The following CDKAL1 variants were observed in gnomAD, a reference collection of about 807,000 sequenced individuals.
CDKAL1 encodes CDKAL1 threonylcarbamoyladenosine tRNA methylthiotransferase.
Under a neutral mutation model 68.2 loss-of-function variants are expected in CDKAL1, and 32 were observed. The observed-to-expected ratio is 0.47, with a 90% CI of 0.35 to 0.63. The LOEUF is 0.63. CDKAL1 is among the 30% of genes least tolerant of loss of function. The pLI, the probability that CDKAL1 is intolerant of heterozygous loss-of-function variation, is 0.00. For synonymous variants in CDKAL1, 234 were observed against 244.3 expected (o/e 0.96, Z 0.39); for missense variants, 606 against 696.7 (o/e 0.87, Z 1.47).
intron 4 of CDKAL1, among the ~76,000 whole-genome samples, chr6:20,643,106 G>A (rs1219860066): frequency 2.6e-5 from 4 of 152,154 alleles, no homozygotes; most frequent in Admixed American, 6.5e-5. Context: ...GCACTCTAAG[G>A]GGTTCTAACG....
intron 4 of CDKAL1, among the ~76,000 whole-genome samples, chr6:20,571,487 T>C (rs1239660100): frequency 1.3e-5 from 2 of 152,148 alleles, no homozygotes; most frequent in Admixed American, 1.3e-4. Context: ...AGTGAAGCAA[T>C]GTGAAATGCT....
chr6:20,570,261 G>A (rs1050956108), intron 4 of CDKAL1, among the ~76,000 whole-genome samples: 2 of 139,416 alleles, frequency 1.4e-5, no homozygotes, highest in African/African-American at 5.4e-5. Context: ...ATGACACCAC[G>A]CCCAGCTAAT....
intron 11 of CDKAL1, among the ~76,000 whole-genome samples, chr6:21,021,633 C>T (rs1399185066): frequency 6.6e-6 from 1 of 152,190 alleles, no homozygotes; most frequent in African/African-American, 2.4e-5. Context: ...GTAATAGTTA[C>T]ATATTAATTG....
chr6:20,685,449 ATTC>A (rs1176004476), intron 5 of CDKAL1, among the ~76,000 whole-genome samples: 1 of 151,956 alleles, frequency 6.6e-6, no homozygotes. Flanking sequence ...TTCTGACTTT[ATTC>A]TTCTCTTTTA....
chr6:20,969,107 T>G (rs1765465306), intron 10 of CDKAL1, among the ~76,000 whole-genome samples: 2 of 152,118 alleles, frequency 1.3e-5, no homozygotes, highest in Non-Finnish European at 1.5e-5. Context: ...CTTTTCTGAA[T>G]TATAGTTCAG....
At chr6:20,966,676 G>A (rs978198547) in intron 10 of CDKAL1, among the ~76,000 whole-genome samples, 2 of 152,090 alleles carry the variant, frequency 1.3e-5, no homozygotes, top group Admixed American at 6.6e-5. Flanking sequence ...AGAAAATACT[G>A]TCATTAAGTC....
intron 5 of CDKAL1, among the ~76,000 whole-genome samples, chr6:20,734,964 G>GGTTCAA (rs1231759263): frequency 2.1e-5 from 3 of 142,680 alleles, no homozygotes; most frequent in African/African-American, 7.8e-5. Context: ...CCACCTCCCT[G>GGTTCAA]GTTCAAGCAA....
rs115543004 is a variant in CDKAL1, at chr6:21,143,827, T to C, written c.1299+35364T>C. ...TCCAGACCTGTGTCTCAAGGGACCC[T>C]AGTCGGGAGGGTAATTGTTGCTGCT... On this transcript the variant is annotated intron_variant, in intron 13 of 15. Coordinates refer to ENST00000274695, the MANE Select transcript of CDKAL1 (RefSeq NM_017774.3). Among the ~76,000 whole-genome samples, 1,328 of 152,248 alleles carry C rather than the reference T, an allele frequency of 8.7e-3. 26 individuals are homozygous for C. The highest frequency in any genetic ancestry group is 0.03 in the African/African-American group (1,245 of 41,548).
chr6:20,849,045 A>G (rs970521751), intron 9 of CDKAL1, among the ~76,000 whole-genome samples: 10 of 151,226 alleles, frequency 6.6e-5, no homozygotes, highest in Non-Finnish European at 1.3e-4. Context: ...TTGGCCTCCC[A>G]AAGTGCTGGG....
rs777787310 is a variant in CDKAL1, at chr6:20,896,103, C to CTT, written c.742+49940_742+49941dup. Among the ~76,000 whole-genome samples the CTT allele has an allele frequency of 1.1e-3, 103 of 90,142 alleles. 1 individual carries two copies. The highest frequency in any genetic ancestry group is 1.6e-3 in the Admixed American group (12 of 7,364). 59.1% of individuals were successfully genotyped at this position (90,142 alleles called of 152,430 possible). A position where few individuals can be genotyped will look rare whatever the true frequency, so the allele number is the denominator to read the frequency against. Reference sequence around the variant, plus strand: ...TCTTTTTTTTCTTTTCTTTTCTTTTCTTTTTTTTTTTTTTTTGAGATGGAG... The same window carrying CTT: ...TCTTTTTTTTCTTTTCTTTTCTTTTCTTTTTTTTTTTTTTTTTTGAGATGGAG... On this transcript the variant is annotated intron_variant, in intron 9 of 15. Transcript: ENST00000274695.
intron 13 of CDKAL1, among the ~76,000 whole-genome samples, chr6:21,124,878 A>G (rs1774912354): frequency 1.3e-5 from 2 of 152,086 alleles, no homozygotes; most frequent in South Asian, 4.2e-4. Context: ...TGTAGCCCTC[A>G]GTCACTTACA....
In CDKAL1 at chr6:20,782,233, A is replaced by G. The variant is rs181750036; in HGVS notation, c.638+968A>G. On this transcript the variant is annotated intron_variant, in intron 8 of 15. Transcript: ENST00000274695. Reference sequence around the variant, plus strand: ...TGTCAAAGACTAGAGAAGGTTGACCAAAGTCATTCGGTTTTTCCCAAAAAA... The same window carrying G: ...TGTCAAAGACTAGAGAAGGTTGACCGAAGTCATTCGGTTTTTCCCAAAAAA... 2.8e-3 allele frequency among the ~76,000 whole-genome samples: 420 copies of G among 152,316 alleles called. 2 individuals are homozygous for G. The highest frequency in any genetic ancestry group is 9.7e-3 in the African/African-American group (404 of 41,574).
chr6:20,618,973 C>G (rs59621846), intron 4 of CDKAL1, among the ~76,000 whole-genome samples: 39,321 of 152,116 alleles, frequency 0.26, 6,129 homozygotes, highest in East Asian at 0.53. Context: ...GCCATTGCAC[C>G]TGGTGATTTT....
At chr6:20,642,154 A>G (rs1160969794) in intron 4 of CDKAL1, among the ~76,000 whole-genome samples, 1 of 152,234 alleles carries the variant, frequency 6.6e-6, no homozygotes, top group Admixed American at 6.5e-5. Flanking sequence ...ATGCAAAACC[A>G]TATGTGTATT....
At position 20,589,741 on chromosome 6, in the gene CDKAL1, ATTTC is replaced by A. The variant is rs532470681; in HGVS notation, c.286+41039_286+41042del. Among the ~76,000 whole-genome samples the A allele has an allele frequency of 2.4e-4, 37 of 152,196 alleles. 1 individual carries two copies. In the South Asian group the frequency reaches 7.3e-3, roughly 30 times the overall value. On this transcript the variant is annotated intron_variant, in intron 4 of 15. Coordinates refer to ENST00000274695, the MANE Select transcript of CDKAL1 (RefSeq NM_017774.3). ...TTAGTTTTTCTCATATTTCAGTGAA[ATTTC>A]TTATATTATTAGTTTTTCTCATATT... is the stretch of plus-strand genomic sequence containing the variant.
chr6:20,691,913 A>AT (rs1466789982), intron 5 of CDKAL1, among the ~76,000 whole-genome samples: 7 of 152,090 alleles, frequency 4.6e-5, no homozygotes, highest in Non-Finnish European at 1.0e-4. Context: ...TACACAACCA[A>AT]TTTTTCTACA....
intron 11 of CDKAL1, among the ~76,000 whole-genome samples, chr6:21,040,769 C>T (rs1456470328): frequency 6.6e-6 from 1 of 152,060 alleles, no homozygotes; most frequent in Non-Finnish European, 1.5e-5. Flanking sequence ...GATATACTGG[C>T]CTAAAATTAG....
intron 5 of CDKAL1, among the ~76,000 whole-genome samples, chr6:20,656,098 G>T (rs752938422): frequency 1.3e-4 from 17 of 132,528 alleles, no homozygotes; most frequent in Non-Finnish European, 2.4e-4. Context: ...GGTCTCTAAG[G>T]CTGCTGTTCA....
chr6:21,127,889 A>G, intron 13 of CDKAL1, among the ~76,000 whole-genome samples: 1 of 152,200 alleles, frequency 6.6e-6, no homozygotes, highest in Non-Finnish European at 1.5e-5. Context: ...CTGAAGACTG[A>G]CTTCAAATTA....
Sources: gnomAD v4.1 joint callset for allele counts (sites outside exome capture counted in the v4.1 genomes callset) on GRCh38, gnomAD v4.1.1 for gene constraint, MANE v1.5 for transcripts, NCBI Gene and HGNC (gene_info 2026-07-23, HGNC 2026-07-21) for gene names.